The following TNS3 variants were observed in gnomAD, a reference collection of about 807,000 sequenced individuals.
TNS3 encodes tensin-3.
TNS3 carries 45 observed loss-of-function variants against 140.9 expected under a neutral mutation model. That is an observed-to-expected ratio of 0.32 (90% CI 0.25 to 0.41). The LOEUF (loss-of-function observed/expected upper bound fraction) is 0.41. Among genes scored for constraint, TNS3 ranks in the 10% least tolerant of loss-of-function variants. The pLI, the probability that TNS3 is intolerant of heterozygous loss-of-function variation, is 1.00. For missense variants in TNS3, 1,716 were observed against 1,906.7 expected, an observed-to-expected ratio of 0.90 and a Z score of 1.86; for synonymous variants, 815 against 788.4, an observed-to-expected ratio of 1.03 and a Z score of -0.56.
chr7:47,364,260 T>C (rs1790563436), intron 17 of TNS3, among the ~76,000 whole-genome samples: 1 of 151,030 alleles, frequency 6.6e-6, no homozygotes, highest in Non-Finnish European at 1.5e-5. Context: ...GCCTGAGAGC[T>C]ACAGAAGTAA....
intron 16 of TNS3, among the ~76,000 whole-genome samples, chr7:47,381,012 G>T (rs995979160): frequency 1.3e-5 from 2 of 152,178 alleles, no homozygotes; most frequent in African/African-American, 4.8e-5. Context: ...AAAGGCCAGG[G>T]CAATGTAAAT....
intron 4 of TNS3, among the ~76,000 whole-genome samples, chr7:47,449,960 T>C (rs1214483300): frequency 6.6e-6 from 1 of 152,120 alleles, no homozygotes; most frequent in South Asian, 2.1e-4. Flanking sequence ...AACTGTGAAT[T>C]CTCGTCTGAG....
intron 15 of TNS3, among the ~76,000 whole-genome samples, chr7:47,399,891 A>C (rs1380571476): frequency 6.6e-6 from 1 of 152,208 alleles, no homozygotes; most frequent in Non-Finnish European, 1.5e-5. Context: ...AACAGAACCC[A>C]CAGAGTGAGA....
intron 4 of TNS3, among the ~76,000 whole-genome samples, chr7:47,456,274 C>T (rs917753771): frequency 1.3e-5 from 2 of 152,078 alleles, no homozygotes; most frequent in African/African-American, 2.4e-5. Flanking sequence ...GACATCAGGT[C>T]GGAGGTTGAA....
intron 3 of TNS3, among the ~76,000 whole-genome samples, chr7:47,501,349 C>T (rs557211773): frequency 9.2e-5 from 14 of 152,264 alleles, no homozygotes; most frequent in African/African-American, 3.4e-4. Flanking sequence ...GCTGACACCC[C>T]AACCTTAAAA....
chr7:47,492,823 G>A (rs919450399), intron 3 of TNS3, among the ~76,000 whole-genome samples: 5 of 152,240 alleles, frequency 3.3e-5, no homozygotes, highest in Non-Finnish European at 7.3e-5. Context: ...AACCACGCCA[G>A]CCTCATGCTG....
intron 20 of TNS3, among the ~76,000 whole-genome samples, chr7:47,319,277 C>T (rs967804338): frequency 6.6e-6 from 1 of 152,212 alleles, no homozygotes; most frequent in Non-Finnish European, 1.5e-5. Flanking sequence ...ACTCTGCACA[C>T]CCTCACCCTG....
chr7:47,280,665 G>C (rs879718892), intron 28 of TNS3, among the ~76,000 whole-genome samples: 7 of 152,200 alleles, frequency 4.6e-5, no homozygotes, highest in Non-Finnish European at 1.0e-4. Context: ...TGTAATCCCA[G>C]CACTTTGGGA....
rs187645177 is a variant in TNS3 at position 47,325,188 on chromosome 7, A to G, written c.2650+19567T>C. ...TTGGTCCCATTTCCTTCTTACCTCC[A>G]CAGAGCAGTAAATGAGTTCCATAGC... On this transcript the variant is annotated intron_variant, in intron 20 of 30. Coordinates refer to ENST00000311160, the MANE Select transcript of TNS3 (RefSeq NM_022748.12). Among the ~76,000 whole-genome samples the G allele has an allele frequency of 3.6e-4, 55 of 152,306 alleles. 1 individual carries two copies. The highest frequency in any genetic ancestry group is 1.3e-3 in the African/African-American group (52 of 41,550).
intron 8 of TNS3, among the ~76,000 whole-genome samples, chr7:47,433,883 ATC>A (rs55743320): frequency 0.054 from 8,065 of 149,438 alleles, 423 homozygotes; most frequent in African/African-American, 0.14. Flanking sequence ...CCGTCTGTCT[ATC>A]TCTCTCTCTC....
At chr7:47,328,849 G>A (rs79136505) in intron 20 of TNS3, among the ~76,000 whole-genome samples, 14,900 of 152,220 alleles carry the variant, frequency 0.098, 882 homozygotes, top group African/African-American at 0.15. Context: ...CTGTCCTAGA[G>A]CCTGATTCTG....
intron 13 of TNS3, among the ~76,000 whole-genome samples, chr7:47,408,237 G>A (rs931478546): frequency 6.6e-6 from 1 of 151,982 alleles, no homozygotes; most frequent in African/African-American, 2.4e-5. Flanking sequence ...GCCCCTCTCT[G>A]CCCTGCCCCA....
intron 2 of TNS3, among the ~76,000 whole-genome samples, chr7:47,525,508 G>T (rs1223831255): frequency 6.6e-6 from 1 of 152,152 alleles, no homozygotes; most frequent in African/African-American, 2.4e-5. Context: ...TCTCTTTCAA[G>T]AACAAAAGCT....
intron 16 of TNS3, among the ~76,000 whole-genome samples, chr7:47,386,874 T>C (rs1004796547): frequency 2.0e-5 from 3 of 152,250 alleles, no homozygotes; most frequent in Non-Finnish European, 4.4e-5. Context: ...ATGTTTTACA[T>C]AAAATATCCC....
intron 10 of TNS3, among the ~76,000 whole-genome samples, chr7:47,419,088 T>C (rs889932588): frequency 4.1e-5 from 6 of 147,410 alleles, no homozygotes; most frequent in Non-Finnish European, 9.1e-5. Context: ...TTCCCTCTCA[T>C]GTAATGGGAA....
chr7:47,502,531 A>G (rs73695363), intron 3 of TNS3, among the ~76,000 whole-genome samples: 2,939 of 152,322 alleles, frequency 0.019, 112 homozygotes, highest in African/African-American at 0.068. Context: ...CAGCCAGGAC[A>G]TGGGGATCCC....
At chr7:47,423,325 G>A (rs1794478234) in intron 10 of TNS3, among the ~76,000 whole-genome samples, 1 of 152,246 alleles carries the variant, frequency 6.6e-6, no homozygotes, top group Admixed American at 6.5e-5. Flanking sequence ...ACCATCTGTG[G>A]AGGAAGTAAG....
intron 1 of TNS3, among the ~76,000 whole-genome samples, chr7:47,575,845 A>G (rs979414825): frequency 1.4e-4 from 19 of 135,480 alleles, no homozygotes; most frequent in Non-Finnish European, 2.1e-4. Flanking sequence ...AAAAAAAAAA[A>G]GCAGCAAAAA....
rs539338181 is a variant in TNS3 at position 47,515,320 on chromosome 7, C to G, written c.-152-8376G>C. 2.6e-5 allele frequency among the ~76,000 whole-genome samples: 4 copies of G among 152,302 alleles called. No individual in the cohort carries two copies. In the South Asian group the frequency reaches 8.3e-4, roughly 32 times the overall value. ...GAATATGCCCCTAACCCTTCTCCAT[C>G]TATCATCACCATCAGTATCATCACG... On this transcript the variant is annotated intron_variant, in intron 2 of 30. Coordinates refer to ENST00000311160, the MANE Select transcript of TNS3 (RefSeq NM_022748.12).
Sources: gnomAD v4.1 joint callset for allele counts (sites outside exome capture counted in the v4.1 genomes callset) on GRCh38, gnomAD v4.1.1 for gene constraint, MANE v1.5 for transcripts, NCBI Gene and HGNC (gene_info 2026-07-23, HGNC 2026-07-21) for gene names.